Variants in FBN2 observed in about 807,000 individuals in gnomAD.
The protein encoded by FBN2 is fibrillin 2, also known as fibrillin-2.
In FBN2, 105 loss-of-function variants were observed where a neutral mutation model predicts 355.6. The observed-to-expected ratio is 0.30, with a 90% CI of 0.25 to 0.35. The LOEUF (loss-of-function observed/expected upper bound fraction) is 0.35. Ranked by LOEUF, FBN2 falls within the 10% of genes least tolerant of loss-of-function variation. The probability of loss-of-function intolerance (pLI) is 1.00; values close to 1 mark genes in which losing one functional copy is unlikely to be tolerated. For synonymous variants in FBN2, 1,350 were observed against 1,301.2 expected (o/e 1.04, Z -0.81); for missense variants, 3,280 against 3,758.7 (o/e 0.87, Z 3.33).
At chr5:128,462,585 T>C (rs1340427469) in intron 6 of FBN2, among the ~76,000 whole-genome samples, 1 of 152,186 alleles carries the variant, frequency 6.6e-6, no homozygotes, top group Non-Finnish European at 1.5e-5. Flanking sequence ...CTGAAACTTA[T>C]CTTTGATGCA....
intron 7 of FBN2, among the ~76,000 whole-genome samples, chr5:128,418,425 T>A (rs1025822269): frequency 1.2e-4 from 18 of 152,154 alleles, no homozygotes; most frequent in African/African-American, 4.1e-4. Context: ...TTCCTTGAGG[T>A]GCATCATTAA....
At chr5:128,321,692 T>C (rs1002650489) in intron 34 of FBN2, among the ~76,000 whole-genome samples, 5 of 152,216 alleles carry the variant, frequency 3.3e-5, no homozygotes, top group East Asian at 3.8e-4. Context: ...CAGTCTATCA[T>C]TGATGGTCAT....
chr5:128,360,274 T>C (rs992054276), intron 19 of FBN2, among the ~76,000 whole-genome samples: 15 of 152,104 alleles, frequency 9.9e-5, no homozygotes, highest in African/African-American at 3.6e-4. Flanking sequence ...TTCTGAAGAA[T>C]TGGTGTTAGA....
At chr5:128,527,135 A>C (rs1363841905) in intron 4 of FBN2, among the ~76,000 whole-genome samples, 1 of 152,190 alleles carries the variant, frequency 6.6e-6, no homozygotes, top group Non-Finnish European at 1.5e-5. Flanking sequence ...ACACTTCTTT[A>C]ATGTCATATA....
intron 6 of FBN2, among the ~76,000 whole-genome samples, chr5:128,448,037 G>A (rs532154868): frequency 6.6e-6 from 1 of 152,304 alleles, no homozygotes; most frequent in African/African-American, 2.4e-5. Flanking sequence ...CAAAACCTCA[G>A]TGAATGGTAC....
chr5:128,496,145 A>G (rs939059252), intron 5 of FBN2, among the ~76,000 whole-genome samples: 16 of 152,150 alleles, frequency 1.1e-4, no homozygotes, highest in African/African-American at 3.9e-4. Context: ...AAACTTTTCC[A>G]AAATAATAAG....
intron 16 of FBN2, among the ~76,000 whole-genome samples, chr5:128,368,427 T>TATATATATAC: frequency 7.3e-6 from 1 of 137,612 alleles, no homozygotes; most frequent in Non-Finnish European, 1.6e-5. Context: ...TGTGTATATA[T>TATATATATAC]ATATATACAC....
At chr5:128,269,262 A>G (rs1390247893) in intron 62 of FBN2, among the ~76,000 whole-genome samples, 1 of 144,182 alleles carries the variant, frequency 6.9e-6, no homozygotes, top group East Asian at 2.5e-4. Context: ...TAAAAATACA[A>G]TAATAATAAT....
At chr5:128,266,108 A>G (rs1765108141) in intron 62 of FBN2, among the ~76,000 whole-genome samples, 1 of 152,208 alleles carries the variant, frequency 6.6e-6, no homozygotes, top group Admixed American at 6.5e-5. Context: ...GGGGTATTTC[A>G]CCCAATTTCT....
chr5:128,478,195 G>T (rs1755056116), intron 5 of FBN2, among the ~76,000 whole-genome samples: 1 of 152,202 alleles, frequency 6.6e-6, no homozygotes, highest in Admixed American at 6.5e-5. Context: ...GAGGGAGGTT[G>T]CAGTGGTGCT....
At chr5:128,291,155 T>C (rs1257281241) in intron 49 of FBN2, among the ~76,000 whole-genome samples, 2 of 152,200 alleles carry the variant, frequency 1.3e-5, no homozygotes, top group East Asian at 3.8e-4. Context: ...AGTCTCTTTT[T>C]TCACTGTTGC....
At chr5:128,283,558 G>T (rs1187258788) in intron 55 of FBN2, among the ~76,000 whole-genome samples, 1 of 152,026 alleles carries the variant, frequency 6.6e-6, no homozygotes. Flanking sequence ...TCTAAATATT[G>T]GAACAACCAG....
chr5:128,259,778 T>G lies in FBN2; in HGVS notation c.8416A>C (p.Lys2806Gln). Reference protein sequence around the residue: ...SVDMDSPVNMKFNLSHLGSKE... With the variant: ...SVDMDSPVNMQFNLSHLGSKE... ...GAGCCGAGGTGGGAGAGGTTGAACT[T>G]CATGTTGACGGGGCTGTCCATGTCG... Residue 2806 changes from lysine to glutamine, a missense_variant, in exon 65 of 65, where the codon AAG becomes CAG. Coordinates refer to ENST00000262464, the MANE Select transcript of FBN2 (RefSeq NM_001999.4). The G allele has an allele frequency of 1.2e-6, 2 of 1,613,826 alleles. No individual in the cohort carries two copies. The highest frequency in any genetic ancestry group is 1.7e-6 in the Non-Finnish European group (2 of 1,179,944).
chr5:128,453,738 G>A (rs1277361350), intron 6 of FBN2, among the ~76,000 whole-genome samples: 1 of 152,020 alleles, frequency 6.6e-6, no homozygotes, highest in Non-Finnish European at 1.5e-5. Flanking sequence ...AGTGGGGAAG[G>A]CTCAAAGGAA....
chr5:128,306,240 G>A (rs369607296), intron 42 of FBN2, among the ~76,000 whole-genome samples: 2 of 152,164 alleles, frequency 1.3e-5, no homozygotes, highest in African/African-American at 4.8e-5. Context: ...GTTACCCTAA[G>A]TGCTGCTATT....
intron 64 of FBN2, among the ~76,000 whole-genome samples, chr5:128,260,638 A>G (rs536502749): frequency 6.6e-6 from 1 of 152,338 alleles, no homozygotes; most frequent in African/African-American, 2.4e-5. Context: ...TAGTTTGGGA[A>G]CTTGATGAAT....
At chr5:128,272,316 G>GACC (rs949972533) in intron 61 of FBN2, among the ~76,000 whole-genome samples, 198 bp from the exon 62 acceptor site, 1 of 151,892 alleles carries the variant, frequency 6.6e-6, no homozygotes, top group African/African-American at 2.4e-5. Context: ...TGAGATAAGA[G>GACC]ACCAGCTCAT....
chr5:128,273,998 A>G, intron 60 of FBN2, 30 bp from the exon 61 acceptor site: 1 of 1,613,494 alleles, frequency 6.2e-7, no homozygotes, highest in Middle Eastern at 1.7e-4. Flanking sequence ...CAGAGCGTCA[A>G]ACTTTCCAAT....
At chr5:128,407,591 G>C (rs1026499195) in intron 8 of FBN2, among the ~76,000 whole-genome samples, 8 of 152,150 alleles carry the variant, frequency 5.3e-5, no homozygotes, top group African/African-American at 1.4e-4. Context: ...ACTGCTATTA[G>C]TAGGCTTCTA....
Sources: allele counts gnomAD v4.1 joint callset (sites outside exome capture counted in the v4.1 genomes callset), GRCh38; gene constraint gnomAD v4.1.1; transcripts MANE v1.5; gene names NCBI Gene and HGNC (gene_info 2026-07-23, HGNC 2026-07-21).